The following COX10 variants were observed in gnomAD, a reference collection of about 807,000 sequenced individuals.
COX10 encodes protoheme IX farnesyltransferase, mitochondrial.
COX10 carries 27 observed loss-of-function variants against 37.3 expected under a neutral mutation model. The observed-to-expected ratio is 0.72, with a 90% CI of 0.53 to 1.00. The LOEUF (loss-of-function observed/expected upper bound fraction) is 1.00. Among genes scored for constraint, COX10 ranks in the 50% least tolerant of loss-of-function variants. The pLI, the probability that COX10 is intolerant of heterozygous loss-of-function variation, is 0.00. For missense variants in COX10, 475 were observed against 563.2 expected (o/e 0.84, Z 1.59); for synonymous variants, 222 against 229.1 (o/e 0.97, Z 0.28).
chr17:14,107,218 C>A (rs1364680915), intron 4 of COX10, among the ~76,000 whole-genome samples: 1 of 113,380 alleles, frequency 8.8e-6, no homozygotes, highest in Non-Finnish European at 2.0e-5. Flanking sequence ...ACAATTTCTA[C>A]TTTCATTTTT....
intron 4 of COX10, among the ~76,000 whole-genome samples, chr17:14,118,408 T>C (rs1350645945): frequency 6.6e-6 from 1 of 152,180 alleles, no homozygotes; most frequent in East Asian, 1.9e-4. Flanking sequence ...ATCAGTTTAT[T>C]GTTTCAGATG....
intron 6 of COX10, among the ~76,000 whole-genome samples, chr17:14,206,588 C>G (rs530881579): frequency 6.6e-6 from 1 of 152,100 alleles, no homozygotes; most frequent in Non-Finnish European, 1.5e-5. Context: ...ACTGGCACCC[C>G]CAGGTGAGAA....
chr17:14,160,752 T>A (rs543686083), intron 5 of COX10, among the ~76,000 whole-genome samples: 1 of 152,338 alleles, frequency 6.6e-6, no homozygotes, highest in African/African-American at 2.4e-5. Context: ...TTTTAGACAT[T>A]TCTCAATGAA....
At chr17:14,183,586 C>A (rs1473127424) in intron 5 of COX10, among the ~76,000 whole-genome samples, 1 of 152,230 alleles carries the variant, frequency 6.6e-6, no homozygotes, top group Non-Finnish European at 1.5e-5. Context: ...ATCAATCTAG[C>A]TTTTCAATAT....
chr17:14,202,689 T>C (rs914791741), intron 6 of COX10, among the ~76,000 whole-genome samples: 7 of 152,066 alleles, frequency 4.6e-5, no homozygotes, highest in Admixed American at 4.6e-4. Context: ...CACTCAGCAG[T>C]GTCTATCCTA....
Position 14,207,373 on chromosome 17 carries a change from AC to A in COX10, c.*163del. ...ACAGTTTTTTTTTTTTTTAAATATT[AC>A]CCAAAATGCTCCCCAAATAAGAAAT... On this transcript the variant is annotated 3_prime_UTR_variant, in exon 7 of 7. Coordinates refer to ENST00000261643, the MANE Select transcript of COX10 (RefSeq NM_001303.4). The A allele has an allele frequency of 1.1e-6, 1 of 903,252 alleles. No homozygotes were observed. Among genetic ancestry groups the A allele is most frequent in the Non-Finnish European group, 1.6e-6 (1 of 625,138 alleles). The allele number at this position is 903,252 out of a possible 1,614,324, so 56.0% of individuals were successfully genotyped here. A position where few individuals can be genotyped will look rare whatever the true frequency, so the allele number is the denominator to read the frequency against.
chr17:14,138,607 G>A (rs965625746), intron 4 of COX10, among the ~76,000 whole-genome samples: 3 of 152,168 alleles, frequency 2.0e-5, no homozygotes, highest in Non-Finnish European at 4.4e-5. Context: ...GTGCTCAGGT[G>A]TCCTGTACCC....
chr17:14,169,932 C>T (rs1278124481), intron 5 of COX10, among the ~76,000 whole-genome samples: 3 of 152,146 alleles, frequency 2.0e-5, no homozygotes, highest in African/African-American at 4.8e-5. Flanking sequence ...GAATTCATTC[C>T]TGCTCTCAGG....
intron 6 of COX10, among the ~76,000 whole-genome samples, chr17:14,197,489 T>G (rs1410651925): frequency 2.0e-5 from 3 of 152,230 alleles, no homozygotes; most frequent in Admixed American, 2.0e-4. Context: ...AAAGAACTTC[T>G]AATTGTTCTA....
At chr17:14,206,707 T>C in intron 6 of COX10, 103 bp from the exon 7 acceptor site, 3 of 1,448,016 alleles carry the variant, frequency 2.1e-6, no homozygotes, top group Non-Finnish European at 2.9e-6. Context: ...GTGGCAGAGC[T>C]TCTGAGGTGC....
At chr17:14,102,758 C>T (rs186561356) in intron 4 of COX10, among the ~76,000 whole-genome samples, 8 of 152,206 alleles carry the variant, frequency 5.3e-5, no homozygotes, top group Non-Finnish European at 8.8e-5. Flanking sequence ...AATACATCCC[C>T]CCCTATTATT....
intron 4 of COX10, among the ~76,000 whole-genome samples, chr17:14,130,321 A>G (rs762503536): frequency 1.3e-5 from 2 of 152,202 alleles, no homozygotes; most frequent in East Asian, 3.8e-4. Context: ...ATGTCTATCA[A>G]TGATTACAAG....
chr17:14,165,777 G>A (rs1012173956), intron 5 of COX10, among the ~76,000 whole-genome samples: 1 of 152,234 alleles, frequency 6.6e-6, no homozygotes, highest in Non-Finnish European at 1.5e-5. Flanking sequence ...TAAAGGACAA[G>A]TTATTGAAGG....
chr17:14,094,333 A>G (rs935783698), intron 3 of COX10, among the ~76,000 whole-genome samples: 2 of 151,340 alleles, frequency 1.3e-5, no homozygotes, highest in African/African-American at 4.8e-5. Context: ...ATAGTTACAT[A>G]TAAATAAAAT....
At position 14,207,739 on chromosome 17, in the gene COX10, A is replaced by C. The variant is rs563239177; in HGVS notation, c.*526A>C. 6.5e-6 allele frequency: 1 copy of C among 154,030 alleles called. No individual in the cohort carries two copies. 9.5% of individuals were successfully genotyped at this position (154,030 alleles called of 1,614,324 possible). A position where few individuals can be genotyped will look rare whatever the true frequency, so the allele number is the denominator to read the frequency against. On this transcript the variant is annotated 3_prime_UTR_variant, in exon 7 of 7. Coordinates refer to ENST00000261643, the MANE Select transcript of COX10 (RefSeq NM_001303.4). ...TTCCCCACCCCACACATTCTCAACC[A>C]TAGTCCTTCTAACAATACCAATAGC...
intron 3 of COX10, among the ~76,000 whole-genome samples, chr17:14,084,663 G>C (rs1009740519): frequency 1.3e-5 from 2 of 152,016 alleles, no homozygotes; most frequent in African/African-American, 4.8e-5. Context: ...CAATAACCAG[G>C]CTTTTTATTT....
At chr17:14,124,166 A>C (rs1301014033) in intron 4 of COX10, among the ~76,000 whole-genome samples, 1 of 152,148 alleles carries the variant, frequency 6.6e-6, no homozygotes, top group Non-Finnish European at 1.5e-5. Flanking sequence ...TGTTGCATCA[A>C]ATATTGCAGG....
chr17:14,079,781 A>G (rs1482901761), intron 3 of COX10, among the ~76,000 whole-genome samples: 1 of 152,064 alleles, frequency 6.6e-6, no homozygotes, highest in African/African-American at 2.4e-5. Context: ...CCTTCTCTAT[A>G]TAGACACATA....
intron 4 of COX10, among the ~76,000 whole-genome samples, chr17:14,106,301 G>T (rs1489766150): frequency 6.6e-6 from 1 of 152,128 alleles, no homozygotes; most frequent in Non-Finnish European, 1.5e-5. Flanking sequence ...ACAGGTGTCA[G>T]CCACTGCACC....
Sources: gnomAD v4.1 joint callset for allele counts (sites outside exome capture counted in the v4.1 genomes callset) on GRCh38, gnomAD v4.1.1 for gene constraint, MANE v1.5 for transcripts, NCBI Gene and HGNC (gene_info 2026-07-23, HGNC 2026-07-21) for gene names.